Variants in CTNNA3 observed in about 807,000 individuals in gnomAD.
The protein encoded by CTNNA3 is catenin alpha-3.
CTNNA3 carries 76 observed loss-of-function variants against 95.7 expected under a neutral mutation model. The observed-to-expected ratio is 0.79, with a 90% CI of 0.66 to 0.96. The LOEUF (loss-of-function observed/expected upper bound fraction) is 0.96, where lower values mean the gene tolerates loss of function less well. Among genes scored for constraint, CTNNA3 ranks in the 40% least tolerant of loss-of-function variants. CTNNA3 has a pLI of 0.00. For missense variants in CTNNA3, 1,191 were observed against 1,089.8 expected, an observed-to-expected ratio of 1.09 and a Z score of -1.31; for synonymous variants, 431 against 374.4, an observed-to-expected ratio of 1.15 and a Z score of -1.74.
At chr10:67,714,499 C>T (rs528412395) in intron 1 of CTNNA3, among the ~76,000 whole-genome samples, 43 of 152,316 alleles carry the variant, frequency 2.8e-4, no homozygotes, top group Admixed American at 7.8e-4. Flanking sequence ...AATGCCTGTA[C>T]GCCCATTGTA....
At chr10:67,003,729 A>T (rs1423511301) in intron 7 of CTNNA3, among the ~76,000 whole-genome samples, 1 of 152,206 alleles carries the variant, frequency 6.6e-6, no homozygotes, top group African/African-American at 2.4e-5. Context: ...CCCAGGTCCT[A>T]TTCCTCTAGA....
chr10:67,504,137 AC>A (rs1839340837), intron 5 of CTNNA3, among the ~76,000 whole-genome samples: 2 of 147,798 alleles, frequency 1.4e-5, no homozygotes, highest in Admixed American at 1.4e-4. Context: ...AGCCTGGGCA[AC>A]AGAGCAAGAC....
chr10:67,397,828 C>A (rs550646145), intron 5 of CTNNA3, among the ~76,000 whole-genome samples: 2 of 152,230 alleles, frequency 1.3e-5, no homozygotes, highest in Non-Finnish European at 2.9e-5. Context: ...GGTCAAGGTA[C>A]AGCTCAGGCT....
At chr10:67,491,519 G>T (rs1848648316) in intron 5 of CTNNA3, among the ~76,000 whole-genome samples, 1 of 152,158 alleles carries the variant, frequency 6.6e-6, no homozygotes, top group Non-Finnish European at 1.5e-5. Flanking sequence ...AGCCAGATCA[G>T]AAAATTCCAG....
At chr10:66,097,858 T>C (rs992702693) in intron 14 of CTNNA3, 1 of 152,158 alleles carries the variant, frequency 6.6e-6, no homozygotes, top group Admixed American at 6.5e-5. Flanking sequence ...TCTCGTTTTA[T>C]TGAAACATCA....
intron 17 of CTNNA3, among the ~76,000 whole-genome samples, chr10:65,939,280 G>C (rs1037112643): frequency 4.6e-5 from 7 of 152,140 alleles, no homozygotes; most frequent in African/African-American, 1.4e-4. Context: ...TTTTTTCCTA[G>C]TTACTTAATG....
Position 67,653,144 on chromosome 10 carries a change from G to A in CTNNA3, c.-5-5626C>T, listed in dbSNP as rs144685365. Among the ~76,000 whole-genome samples, 1,310 of 152,264 alleles carry A rather than the reference G, an allele frequency of 8.6e-3. 16 individuals carry two copies. Among genetic ancestry groups the A allele is most frequent in the African/African-American group, 0.03 (1,240 of 41,532 alleles). ...TTACTCATGGCAGAAGGCAAGGTGG[G>A]GAGCAAGCATCTCACATGGTGAGAA... On this transcript the variant is annotated intron_variant, in intron 1 of 17. Coordinates refer to ENST00000433211, the MANE Select transcript of CTNNA3 (RefSeq NM_013266.4).
chr10:66,117,614 T>C lies in CTNNA3; in HGVS notation c.1885-14365A>G, dbSNP rs577896702. 1.1e-4 allele frequency among the ~76,000 whole-genome samples: 17 copies of C among 152,286 alleles called. No homozygotes were observed. The South Asian group carries it at 1.5e-3, about 13-fold the overall frequency. On this transcript the variant is annotated intron_variant, in intron 13 of 17. Coordinates refer to ENST00000433211, the MANE Select transcript of CTNNA3 (RefSeq NM_013266.4). ...GAAACATTGCAGCTTTTAGTAAGCATGCTACCAAATGTAGGCTTTTCTATA... is the reference window on the plus strand; with the variant it reads ...GAAACATTGCAGCTTTTAGTAAGCACGCTACCAAATGTAGGCTTTTCTATA...
chr10:67,191,945 T>C (rs886444895), intron 6 of CTNNA3, among the ~76,000 whole-genome samples: 15 of 151,912 alleles, frequency 9.9e-5, no homozygotes, highest in Non-Finnish European at 1.5e-5. Context: ...CCCACACATA[T>C]ACAGTCAACT....
rs145094622 is a variant in CTNNA3, at chr10:66,199,845, G to A, written c.1884+80625C>T. 7.0e-3 allele frequency among the ~76,000 whole-genome samples: 773 copies of A among 110,850 alleles called. 11 individuals carry two copies. Among genetic ancestry groups the A allele is most frequent in the African/African-American group, 0.027 (710 of 26,248 alleles). 72.7% of individuals were successfully genotyped at this position (110,850 alleles called of 152,430 possible). On this transcript the variant is annotated intron_variant, in intron 13 of 17. Coordinates refer to ENST00000433211, the MANE Select transcript of CTNNA3 (RefSeq NM_013266.4). ...TTTTTTTTTTTTTTAGTAGAGATGG[G>A]GTTTCACTGTGTTGGCTGGGATGGT...
chr10:66,429,865 C>T (rs2093278956), intron 11 of CTNNA3, among the ~76,000 whole-genome samples: 1 of 151,986 alleles, frequency 6.6e-6, no homozygotes, highest in South Asian at 2.1e-4. Flanking sequence ...CCCTCTCCCA[C>T]CACTCCTATT....
chr10:66,618,864 G>GCA (rs1844631509), intron 10 of CTNNA3, among the ~76,000 whole-genome samples: 1 of 151,834 alleles, frequency 6.6e-6, no homozygotes, highest in Non-Finnish European at 1.5e-5. Flanking sequence ...ACATTTACAA[G>GCA]AAAAAAACAA....
chr10:66,002,831 G>T (rs891754388), intron 15 of CTNNA3, among the ~76,000 whole-genome samples: 1 of 152,278 alleles, frequency 6.6e-6, no homozygotes, highest in Non-Finnish European at 1.5e-5. Flanking sequence ...TCATGTAACT[G>T]CAAAGAAAGC....
Position 66,519,763 on chromosome 10 carries a change from T to TA in CTNNA3, c.1531+853dup, listed in dbSNP as rs1840992263. On this transcript the variant is annotated intron_variant, in intron 11 of 17. Coordinates refer to ENST00000433211, the MANE Select transcript of CTNNA3 (RefSeq NM_013266.4). ...CATGTCTCCCTAAAATGTATAAAAC[T>TA]AAGCTGTGCTCTGATCACCTTGGGC... Among the ~76,000 whole-genome samples the TA allele has an allele frequency of 1.3e-5, 2 of 152,164 alleles. 1 individual carries two copies. Among genetic ancestry groups the TA allele is most frequent in the South Asian group, 4.1e-4 (2 of 4,836 alleles).
At position 66,532,443 on chromosome 10, in the gene CTNNA3, C is replaced by T. The variant is rs982024963; in HGVS notation, c.1375-11670G>A. Among the ~76,000 whole-genome samples, 5 of 147,222 alleles carry T rather than the reference C, an allele frequency of 3.4e-5. No individual in the cohort carries two copies. The Admixed American group carries it at 3.4e-4, about 10-fold the overall frequency. On this transcript the variant is annotated intron_variant, in intron 10 of 17. Coordinates refer to ENST00000433211, the MANE Select transcript of CTNNA3 (RefSeq NM_013266.4). ...CGCCACTGTACTCCAGCCTGGGTGA[C>T]AGAGCGAGACTCCGTCTCAAAAAGA...
intron 7 of CTNNA3, among the ~76,000 whole-genome samples, chr10:67,031,080 C>T (rs1853698345): frequency 6.6e-6 from 1 of 152,176 alleles, no homozygotes; most frequent in South Asian, 2.1e-4. Context: ...CCCCGTCATA[C>T]TTGACTTCTG....
At chr10:67,110,322 A>C (rs1255110885) in intron 7 of CTNNA3, among the ~76,000 whole-genome samples, 2 of 152,192 alleles carry the variant, frequency 1.3e-5, no homozygotes, top group Non-Finnish European at 2.9e-5. Context: ...ATTCCAATTA[A>C]GAGGCTCAAA....
At chr10:67,566,888 G>C (rs908328680) in intron 3 of CTNNA3, among the ~76,000 whole-genome samples, 42 of 151,814 alleles carry the variant, frequency 2.8e-4, no homozygotes, top group African/African-American at 9.4e-4. Context: ...GGATGAAATT[G>C]GAAATCGTCA....
intron 5 of CTNNA3, among the ~76,000 whole-genome samples, chr10:67,232,326 T>G (rs1865252647): frequency 1.3e-5 from 2 of 152,274 alleles, no homozygotes; most frequent in South Asian, 4.1e-4. Flanking sequence ...GCAGAAACTC[T>G]ACAAGCCAGA....
Sources: allele counts gnomAD v4.1 joint callset (sites outside exome capture counted in the v4.1 genomes callset), GRCh38; gene constraint gnomAD v4.1.1; transcripts MANE v1.5; gene names NCBI Gene and HGNC (gene_info 2026-07-23, HGNC 2026-07-21).